The following DNAAF1 variants were observed in gnomAD, a reference collection of about 807,000 sequenced individuals.
DNAAF1 encodes the protein dynein axonemal assembly factor 1, also known as dynein assembly factor 1, axonemal.
DNAAF1 carries 65 observed loss-of-function variants against 71.1 expected under a neutral mutation model. The ratio of observed to expected loss-of-function variants is 0.91; its 90% CI spans 0.75 to 1.12. The LOEUF is 1.12. DNAAF1 is among the 50% of genes most tolerant of loss of function. The pLI is 0.00. For synonymous variants in DNAAF1, 414 were observed against 354.6 expected (o/e 1.17, Z -1.88); for missense variants, 1,178 against 899.8 (o/e 1.31, Z -3.96).
chr16:84,155,632 G>T lies in DNAAF1; in HGVS notation c.624G>T (p.Glu208Asp). The change falls in exon 5 of 12, where the codon GAG (glutamate) becomes GAT (aspartate). Residue 208 changes from glutamate (E) to aspartate (D), a missense_variant. Glu to Asp is a conservative substitution (Grantham distance 45). Transcript: ENST00000378553. ...TGCAGATGGCCCACAATCACCTGGA[G>T]ACCGTGGAGGACATTCAGCATCTAC... ...NTLQMAHNHLETVEDIQHLQE... is the reference protein window; with the variant it reads ...NTLQMAHNHLDTVEDIQHLQE... 6.2e-7 allele frequency: 1 copy of T among 1,614,168 alleles called. No individual in the cohort carries two copies. The highest frequency in any genetic ancestry group is 8.5e-7 in the Non-Finnish European group (1 of 1,180,046).
chr16:84,174,879 A>G, intron 10 of DNAAF1, 157 bp downstream of exon 10: 1 of 1,022,526 alleles, frequency 9.8e-7, no homozygotes, highest in Non-Finnish European at 1.5e-6. Context: ...CTTTTCAGGC[A>G]GAGTCTGGCT....
chr16:84,165,040 T>C (rs1229210231), intron 6 of DNAAF1, among the ~76,000 whole-genome samples: 1 of 152,230 alleles, frequency 6.6e-6, no homozygotes, highest in East Asian at 1.9e-4. Flanking sequence ...ACAGGCTTAT[T>C]TGCCATCTCT....
At position 84,155,119 on chromosome 16, in the gene DNAAF1, A is replaced by T. The variant is rs546024382; in HGVS notation, c.574+321A>T. Among the ~76,000 whole-genome samples the T allele has an allele frequency of 4.6e-5, 7 of 152,310 alleles. No individual in the cohort carries two copies. In the East Asian group the frequency reaches 9.7e-4, roughly 21 times the overall value. On this transcript the variant is annotated intron_variant, in intron 4 of 11. Coordinates refer to ENST00000378553, the MANE Select transcript of DNAAF1 (RefSeq NM_178452.6). Reference sequence around the variant, plus strand: ...GAGACGGGGTTTCACCGTGTTAGCCAGGATGGTCTCGATCTCCTGACCTCG... The same window carrying T: ...GAGACGGGGTTTCACCGTGTTAGCCTGGATGGTCTCGATCTCCTGACCTCG...
In DNAAF1 at chr16:84,154,722, T is replaced by G. The variant is rs1171061528; in HGVS notation, c.498T>G (p.Ile166Met). Residue 166 changes from isoleucine to methionine, a missense_variant, in exon 4 of 12, where the codon ATT (isoleucine) becomes ATG (methionine). Transcript: ENST00000378553. ...LFLQMNLLRK[I>M]ENLEPLQKLD... The stretch of plus-strand genomic sequence containing the variant: ...TGCAAATGAACTTGCTCCGTAAAAT[T>G]GAGAACCTGGAACCTCTGCAGAAAC... 6.2e-7 allele frequency: 1 copy of G among 1,614,056 alleles called. No homozygotes were observed. Among genetic ancestry groups the G allele is most frequent in the Admixed American group, 1.7e-5 (1 of 59,996 alleles).
rs1342843273 is a variant in DNAAF1, at chr16:84,154,698, G to A, written c.474G>A (p.Leu158=). 2 of 1,614,114 alleles carry A rather than the reference G, an allele frequency of 1.2e-6. No homozygotes were observed. Among genetic ancestry groups the A allele is most frequent in the Non-Finnish European group, 8.5e-7 (1 of 1,180,018 alleles). ...EAQTELRCLF[L]QMNLLRKIEN... ...AAACTGAGTTGCGTTGCCTCTTCTT[G>A]CAAATGAACTTGCTCCGTAAAATTG... The change falls in exon 4 of 12, where the codon TTG becomes TTA. Residue 158 remains leucine (L), a synonymous_variant. Transcript: ENST00000378553.
At chr16:84,157,823 G>C (rs2087511043) in intron 5 of DNAAF1, among the ~76,000 whole-genome samples, 1 of 152,166 alleles carries the variant, frequency 6.6e-6, no homozygotes, top group Non-Finnish European at 1.5e-5. Context: ...GGTGAGAATA[G>C]AAAGCTCTAT....
chr16:84,160,244 A>G (rs1047438043), intron 6 of DNAAF1, among the ~76,000 whole-genome samples: 15 of 152,154 alleles, frequency 9.9e-5, no homozygotes, highest in African/African-American at 3.4e-4. Context: ...CCATTTTTGG[A>G]TAATTGATGA....
chr16:84,145,969 C>T (rs2086883095), intron 1 of DNAAF1, among the ~76,000 whole-genome samples: 1 of 152,030 alleles, frequency 6.6e-6, no homozygotes, highest in South Asian at 2.1e-4. Flanking sequence ...TGGTGGCGGG[C>T]GCCTGTAGTC....
At position 84,159,350 on chromosome 16, in the gene DNAAF1, G is replaced by T. The variant is rs1017758184; in HGVS notation, c.742-325G>T. 5 of 798,230 alleles carry T rather than the reference G, an allele frequency of 6.3e-6. No homozygotes were observed. In the African/African-American group the frequency reaches 9.1e-5, roughly 15 times the overall value. 49.4% of individuals were successfully genotyped at this position (798,230 alleles called of 1,614,324 possible). Reference sequence around the variant, plus strand: ...GGCAGAGATTCATTTCAGTAAAAGAGGTTGGGTAGCAAAACTAATATAATC... The same window carrying T: ...GGCAGAGATTCATTTCAGTAAAAGATGTTGGGTAGCAAAACTAATATAATC... On this transcript the variant is annotated intron_variant, in intron 5 of 11. Coordinates refer to ENST00000378553, the MANE Select transcript of DNAAF1 (RefSeq NM_178452.6).
chr16:84,171,173 C>A (rs2151269735), intron 8 of DNAAF1, among the ~76,000 whole-genome samples: 1 of 152,224 alleles, frequency 6.6e-6, no homozygotes, highest in African/African-American at 2.4e-5. Context: ...AGGTGGCTCA[C>A]ACATGTAATC....
chr16:84,152,917 A>G lies in DNAAF1; in HGVS notation c.353-1660A>G, dbSNP rs542649414. On this transcript the variant is annotated intron_variant, in intron 3 of 11. Coordinates refer to ENST00000378553, the MANE Select transcript of DNAAF1 (RefSeq NM_178452.6). ...GGTTACAGTGAGCCGAGATTGTGCA[A>G]TTGCACTCCAGCCTGGGCAACAGAG... 6.6e-5 allele frequency among the ~76,000 whole-genome samples: 10 copies of G among 151,854 alleles called. No homozygotes were observed. In the East Asian group the frequency reaches 7.7e-4, roughly 12 times the overall value.
chr16:84,175,544 G>C (rs555393476), intron 10 of DNAAF1: 32 of 277,234 alleles, frequency 1.2e-4, no homozygotes, highest in African/African-American at 6.9e-4. Context: ...CACGAGCTCA[G>C]CAGCAAAGAA....
intron 5 of DNAAF1, chr16:84,158,970 A>T: frequency 1.1e-6 from 1 of 941,432 alleles, no homozygotes; most frequent in Non-Finnish European, 1.3e-6. Context: ...ACCTCAAGTG[A>T]TCCACCCACC....
At position 84,169,777 on chromosome 16, in the gene DNAAF1, G is replaced by T. The variant is rs1163829209; in HGVS notation, c.1031-82G>T. The T allele has an allele frequency of 4.4e-6, 7 of 1,584,446 alleles. No homozygotes were observed. The East Asian group carries it at 8.9e-5, about 20-fold the overall frequency. On this transcript the variant is annotated intron_variant, in intron 7 of 11. Transcript: ENST00000378553. ...ACCTTTTCCCTGGTCTCAGAAGTTT[G>T]CTGTGAGCCCTTGATGTACCCACAA...
At chr16:84,168,498 G>A (rs555395446) in intron 7 of DNAAF1, among the ~76,000 whole-genome samples, 41 of 152,080 alleles carry the variant, frequency 2.7e-4, no homozygotes, top group African/African-American at 5.5e-4. Context: ...AGCTGGTCTC[G>A]AACTCCTGGC....
chr16:84,157,324 A>G (rs2087486796), intron 5 of DNAAF1, among the ~76,000 whole-genome samples: 1 of 151,814 alleles, frequency 6.6e-6, no homozygotes, highest in Admixed American at 6.6e-5. Flanking sequence ...GGAGTTTGAG[A>G]CCAGCCTGGT....
chr16:84,176,514 C>G, intron 11 of DNAAF1: 5 of 693,818 alleles, frequency 7.2e-6, no homozygotes, highest in Non-Finnish European at 1.2e-5. Context: ...AGGAAGCCAC[C>G]GAGCCAGCCT....
rs764006229 is a variant in DNAAF1, at chr16:84,155,698, C to G, written c.690C>G (p.Asn230Lys). ...LRLCVLDLSH[N>K]KLSDPEILSI... ...TTTGTGTCCTTGACCTTTCGCACAA[C>G]AAGCTGAGTGACCCGGAGATCCTGA... The change falls in exon 5 of 12, where the codon AAC (asparagine) becomes AAG (lysine). Residue 230 changes from asparagine (N) to lysine (K), a missense_variant. Physicochemically the swap from Asn to Lys is moderately conservative, Grantham distance 94. Transcript: ENST00000378553. 1 of 1,614,192 alleles carries G rather than the reference C, an allele frequency of 6.2e-7. No homozygotes were observed. The highest frequency in any genetic ancestry group is 8.5e-7 in the Non-Finnish European group (1 of 1,180,046).
In DNAAF1 at chr16:84,146,519, C is replaced by G. The variant is rs118177412; in HGVS notation, c.124+955C>G. ...GTCACCTGAAGTCAGGAGTTCGAGA[C>G]CAGTCTGGCCAACATATTGAAACCC... On this transcript the variant is annotated intron_variant, in intron 1 of 11. Coordinates refer to ENST00000378553, the MANE Select transcript of DNAAF1 (RefSeq NM_178452.6). Among the ~76,000 whole-genome samples, 294 of 152,216 alleles carry G rather than the reference C, an allele frequency of 1.9e-3. 4 individuals are homozygous for G. The East Asian group carries it at 0.048, about 25-fold the overall frequency.
Sources: gnomAD v4.1 joint callset for allele counts (sites outside exome capture counted in the v4.1 genomes callset) on GRCh38, gnomAD v4.1.1 for gene constraint, MANE v1.5 for transcripts, NCBI Gene and HGNC (gene_info 2026-07-23, HGNC 2026-07-21) for gene names.